ZNF346: variants seen among roughly 807,000 people sequenced by gnomAD.
ZNF346 encodes the protein zinc finger protein 346, also known as double-stranded RNA-binding zinc finger protein JAZ.
Under a neutral mutation model 33.7 loss-of-function variants are expected in ZNF346, and 23 were observed. That is an observed-to-expected ratio of 0.68 (90% CI 0.49 to 0.97). The LOEUF is 0.97. ZNF346 is among the 50% of genes least tolerant of loss of function. ZNF346 has a pLI of 0.00. For missense variants in ZNF346, 340 were observed against 371.1 expected (o/e 0.92, Z 0.69); for synonymous variants, 134 against 142.4 (o/e 0.94, Z 0.42).
intron 5 of ZNF346, among the ~76,000 whole-genome samples, chr5:177,054,491 C>T (rs1439245507): frequency 6.6e-6 from 1 of 152,062 alleles, no homozygotes; most frequent in African/African-American, 2.4e-5. Flanking sequence ...CTCCGCCTTC[C>T]AGTTTCAAGC....
At chr5:177,038,183 G>C (rs1196455731) in intron 1 of ZNF346, among the ~76,000 whole-genome samples, 1 of 151,122 alleles carries the variant, frequency 6.6e-6, no homozygotes, top group African/African-American at 2.4e-5. Flanking sequence ...CAAACTTCTA[G>C]GCTCAAGGGA....
chr5:177,033,653 G>A (rs353486), intron 1 of ZNF346, among the ~76,000 whole-genome samples: 87,869 of 151,934 alleles, frequency 0.58, 27,130 homozygotes, highest in African/African-American at 0.81. Context: ...CCTCCTGAGT[G>A]GCTGGGACTA....
chr5:177,063,341 G>A (rs1782777092), intron 6 of ZNF346, among the ~76,000 whole-genome samples: 1 of 152,212 alleles, frequency 6.6e-6, no homozygotes, highest in Admixed American at 6.5e-5. Flanking sequence ...ATGATTTAAA[G>A]GTGGTAGAAA....
chr5:177,036,348 T>G (rs936265020), intron 1 of ZNF346, among the ~76,000 whole-genome samples: 1 of 152,190 alleles, frequency 6.6e-6, no homozygotes, highest in Non-Finnish European at 1.5e-5. Flanking sequence ...CTTTTATAAT[T>G]TCTACTTTAA....
intron 1 of ZNF346, among the ~76,000 whole-genome samples, chr5:177,037,874 A>T (rs752807655): frequency 6.6e-6 from 1 of 152,126 alleles, no homozygotes; most frequent in Admixed American, 6.6e-5. Flanking sequence ...TATTCATTCA[A>T]CATCATCTAC....
At chr5:177,064,484 C>G in intron 6 of ZNF346, 28 bp from the exon 7 acceptor site, 1 of 1,589,322 alleles carries the variant, frequency 6.3e-7, no homozygotes. Flanking sequence ...CACACTGACC[C>G]TCTTCCTTTG....
chr5:177,077,934 G>T lies in ZNF346; in HGVS notation c.*3-1448G>T, dbSNP rs918695579. Among the ~76,000 whole-genome samples the T allele has an allele frequency of 6.6e-6, 1 of 152,148 alleles. No homozygotes were observed. The highest frequency in any genetic ancestry group is 2.4e-5 in the African/African-American group (1 of 41,438). On this transcript the variant is annotated intron_variant, in intron 8 of 8. Transcript: ENST00000503039. This position sits in a 1 kb window ranked among gnomAD's most constrained non-coding sequence, Gnocchi z 5.0. ...GGCCGAGGCAGGTGGATCACCTGAG[G>T]TCAGGAGCTCGAGCCCAGCCTGGTC... is the stretch of plus-strand genomic sequence containing the variant.
Position 177,067,009 on chromosome 5 carries a change from G to C in ZNF346, c.*2410G>C, listed in dbSNP as rs1581975752. Among the ~76,000 whole-genome samples the C allele has an allele frequency of 1.3e-5, 2 of 152,322 alleles. No homozygotes were observed. The highest frequency in any genetic ancestry group is 6.8e-3 in the Middle Eastern group (2 of 294). ...CCCGGGAGGCGGAGGGTCGCATTGA[G>C]CCAAGATCGTGCCACTGCACTCCAG... On this transcript the variant is annotated 3_prime_UTR_variant, in exon 7 of 7. Transcript: ENST00000358149.
At chr5:177,027,104 G>A (rs904884906) in intron 1 of ZNF346, among the ~76,000 whole-genome samples, 2 of 152,006 alleles carry the variant, frequency 1.3e-5, no homozygotes, top group Non-Finnish European at 2.9e-5. Flanking sequence ...CCAGACTGGA[G>A]TGCAGTGGTG....
At chr5:177,071,235 G>A (rs73806717), downstream of ZNF346, among the ~76,000 whole-genome samples, 19,627 of 151,952 alleles carry the variant, frequency 0.13, 2,964 homozygotes, top group African/African-American at 0.37. Flanking sequence ...AACAGGTAGA[G>A]TTTCCTCCCA....
downstream of ZNF346, among the ~76,000 whole-genome samples, chr5:177,071,617 G>A (rs1446059480): frequency 1.3e-5 from 2 of 150,904 alleles, no homozygotes; most frequent in Non-Finnish European, 1.5e-5. Flanking sequence ...CCCGGGAGGC[G>A]GAGCTTGCAG....
chr5:177,037,119 T>C (rs1302969277), intron 1 of ZNF346, among the ~76,000 whole-genome samples: 1 of 152,216 alleles, frequency 6.6e-6, no homozygotes, highest in African/African-American at 2.4e-5. Context: ...TTTGTCAGTT[T>C]TGTCCTGTTT....
chr5:177,061,029 G>A (rs555336511), intron 5 of ZNF346, among the ~76,000 whole-genome samples: 39 of 151,436 alleles, frequency 2.6e-4, no homozygotes, highest in African/African-American at 9.5e-4. Context: ...GGAGAATGGC[G>A]TGAACCCGGG....
At chr5:177,072,721 C>A (rs759940239), downstream of ZNF346, among the ~76,000 whole-genome samples, 26 of 152,060 alleles carry the variant, frequency 1.7e-4, no homozygotes, top group Admixed American at 7.2e-4. Context: ...TGGTGGCGCA[C>A]GTCTGTAGTC....
chr5:177,058,067 C>T lies in ZNF346; in HGVS notation c.704-3991C>T, dbSNP rs544053009. On this transcript the variant is annotated intron_variant, in intron 5 of 6. Coordinates refer to ENST00000358149, the MANE Select transcript of ZNF346 (RefSeq NM_012279.4). ...GACTCCTGACCTCAGGTGATGTGGCCGCCTCAGCCTCCCAGAGTGCTGGGA... is the reference window on the plus strand; with the variant it reads ...GACTCCTGACCTCAGGTGATGTGGCTGCCTCAGCCTCCCAGAGTGCTGGGA... Among the ~76,000 whole-genome samples the T allele has an allele frequency of 2.2e-3, 331 of 151,042 alleles. 2 individuals carry two copies. Among genetic ancestry groups the T allele is most frequent in the African/African-American group, 7.7e-3 (319 of 41,236 alleles).
chr5:177,022,704 GA>G lies in ZNF346; in HGVS notation c.-34del. The stretch of plus-strand genomic sequence containing the variant: ...CAAATCTCGCGATACCTAGGCGCCT[GA>G]GAGGCTCTCTACCGGTGAGGGTTTG... On this transcript the variant is annotated 5_prime_UTR_variant, in exon 1 of 7. Coordinates refer to ENST00000358149, the MANE Select transcript of ZNF346 (RefSeq NM_012279.4). 6.6e-7 allele frequency: 1 copy of G among 1,507,706 alleles called. No homozygotes were observed. Among genetic ancestry groups the G allele is most frequent in the Non-Finnish European group, 8.8e-7 (1 of 1,135,006 alleles). 93.4% of individuals were successfully genotyped at this position (1,507,706 alleles called of 1,614,324 possible). A position where few individuals can be genotyped will look rare whatever the true frequency, so the allele number is the denominator to read the frequency against.
At chr5:177,062,178 G>C in intron 6 of ZNF346, 27 bp downstream of exon 6, 3 of 1,600,782 alleles carry the variant, frequency 1.9e-6, no homozygotes, top group Non-Finnish European at 2.6e-6. Flanking sequence ...TGAAATTCTA[G>C]GATCCATAGC....
intron 4 of ZNF346, among the ~76,000 whole-genome samples, chr5:177,049,876 G>A (rs903470302): frequency 1.5e-4 from 22 of 151,500 alleles, no homozygotes; most frequent in Non-Finnish European, 2.5e-4. Context: ...CGCTCTTGTC[G>A]CCCAGGCTGG....
At chr5:177,041,047 T>G (rs1233609768) in intron 1 of ZNF346, 79 bp from the exon 2 acceptor site, 3 of 1,090,028 alleles carry the variant, frequency 2.8e-6, no homozygotes, top group East Asian at 4.7e-5. Flanking sequence ...TCAGTGCCTG[T>G]GTTTGAGGCA....
Sources: allele counts gnomAD v4.1 joint callset (sites outside exome capture counted in the v4.1 genomes callset), GRCh38; gene constraint gnomAD v4.1.1; non-coding constraint Gnocchi (gnomAD v3.1); transcripts MANE v1.5; gene names NCBI Gene and HGNC (gene_info 2026-07-23, HGNC 2026-07-21).